TOPAZ1: variants seen among roughly 807,000 people sequenced by gnomAD.
TOPAZ1 encodes the protein protein TOPAZ1.
TOPAZ1 carries 66 observed loss-of-function variants against 172.2 expected under a neutral mutation model. The ratio of observed to expected loss-of-function variants is 0.38; its 90% CI spans 0.31 to 0.47. TOPAZ1 has a LOEUF of 0.47. TOPAZ1 is among the 20% of genes least tolerant of loss of function. TOPAZ1 has a pLI of 0.99. For missense variants in TOPAZ1, 1,822 were observed against 1,972.4 expected, an observed-to-expected ratio of 0.92 and a Z score of 1.44; for synonymous variants, 681 against 683.9, an observed-to-expected ratio of 1.00 and a Z score of 0.07.
At chr3:44,274,767 T>C (rs939188561) in intron 8 of TOPAZ1, among the ~76,000 whole-genome samples, 1 of 152,086 alleles carries the variant, frequency 6.6e-6, no homozygotes, top group Non-Finnish European at 1.5e-5. Flanking sequence ...TTGGTCAGGC[T>C]GGTCTTGAAC....
At chr3:44,313,729 T>C (rs920204831) in intron 16 of TOPAZ1, among the ~76,000 whole-genome samples, 77 of 152,270 alleles carry the variant, frequency 5.1e-4, no homozygotes, top group African/African-American at 1.8e-3. Context: ...GTGCAGATGT[T>C]AGTTAACAAT....
At chr3:44,258,317 A>AAT (rs1342272690) in intron 4 of TOPAZ1, among the ~76,000 whole-genome samples, 2 of 152,182 alleles carry the variant, frequency 1.3e-5, no homozygotes, top group East Asian at 3.8e-4. Context: ...TCCCAGTTGT[A>AAT]ATATATTGCA....
intron 2 of TOPAZ1, among the ~76,000 whole-genome samples, chr3:44,249,748 T>A (rs1324434907): frequency 6.6e-6 from 1 of 152,218 alleles, no homozygotes; most frequent in Non-Finnish European, 1.5e-5. Flanking sequence ...GCAGGCCATT[T>A]CTGAAGCACT....
chr3:44,286,273 A>G (rs1188866774), intron 9 of TOPAZ1, among the ~76,000 whole-genome samples: 2 of 152,180 alleles, frequency 1.3e-5, no homozygotes, highest in Non-Finnish European at 2.9e-5. Flanking sequence ...TTAGTGGACT[A>G]TTTACACACT....
intron 15 of TOPAZ1, among the ~76,000 whole-genome samples, chr3:44,308,614 C>T (rs1700362287): frequency 6.6e-6 from 1 of 151,712 alleles, no homozygotes; most frequent in African/African-American, 2.4e-5. Context: ...TTATAGACTG[C>T]ATCTCAAATT....
At chr3:44,306,214 G>A (rs527862061) in intron 14 of TOPAZ1, 112 bp from the exon 15 acceptor site, 2 of 627,880 alleles carry the variant, frequency 3.2e-6, no homozygotes, top group Admixed American at 2.6e-5. Context: ...ACGGGGCACA[G>A]TTTGCCAACA....
intron 9 of TOPAZ1, among the ~76,000 whole-genome samples, chr3:44,286,223 A>T (rs1012824195): frequency 6.6e-6 from 1 of 152,166 alleles, no homozygotes; most frequent in African/African-American, 2.4e-5. Context: ...TCAAAAAAAT[A>T]AATAACTTAA....
intron 12 of TOPAZ1, among the ~76,000 whole-genome samples, chr3:44,296,464 G>A (rs1700195944): frequency 6.7e-6 from 1 of 149,982 alleles, no homozygotes; most frequent in South Asian, 2.1e-4. Context: ...TCGATACCAG[G>A]AATGAGACCA....
At chr3:44,267,205 CA>C in intron 6 of TOPAZ1, 69 bp downstream of exon 6, 1 of 1,236,896 alleles carries the variant, frequency 8.1e-7, no homozygotes, top group Non-Finnish European at 1.0e-6. Context: ...ATTTTTCTAC[CA>C]AAAACAAAAA....
At position 44,262,454 on chromosome 3, in the gene TOPAZ1, A is replaced by G; in HGVS notation, c.2991A>G (p.Glu997=). The part of the protein sequence containing the change: ...RFTDKVITKE[E]KENIYEVCKS... The stretch of plus-strand genomic sequence containing the variant: ...CAGACAAAGTGATTACCAAAGAAGA[A>G]AAAGAAAATATTTATGAAGTTTGCA... The change falls in exon 5 of 20, where the codon GAA becomes GAG. Residue 997 remains glutamate, a synonymous_variant. Coordinates refer to ENST00000309765, the MANE Select transcript of TOPAZ1 (RefSeq NM_001145030.2). The G allele has an allele frequency of 2.7e-6, 4 of 1,488,124 alleles. No homozygotes were observed. The highest frequency in any genetic ancestry group is 2.7e-6 in the Non-Finnish European group (3 of 1,093,486). The allele number at this position is 1,488,124 out of a possible 1,614,324, so 92.2% of individuals were successfully genotyped here.
chr3:44,290,994 T>C (rs1023243457), intron 12 of TOPAZ1, 108 bp downstream of exon 12: 5 of 669,336 alleles, frequency 7.5e-6, no homozygotes, highest in Admixed American at 3.2e-5. Flanking sequence ...AACATTTAGA[T>C]AGTGGCCTGT....
chr3:44,267,179 A>T, intron 6 of TOPAZ1, 43 bp downstream of exon 6: 1 of 1,414,506 alleles, frequency 7.1e-7, no homozygotes, highest in Non-Finnish European at 9.3e-7. Flanking sequence ...GCTTTTGGTG[A>T]TATAGAAACT....
At chr3:44,335,949 G>A (rs918314105), downstream of TOPAZ1, among the ~76,000 whole-genome samples, 6 of 152,118 alleles carry the variant, frequency 3.9e-5, no homozygotes, top group South Asian at 2.1e-4. Context: ...CAATTGTCAC[G>A]TTTAAGATCT....
At chr3:44,276,624 CTTTTTT>C (rs762865769) in intron 8 of TOPAZ1, among the ~76,000 whole-genome samples, 4 of 24,124 alleles carry the variant, frequency 1.7e-4, no homozygotes, top group Non-Finnish European at 3.2e-4. Flanking sequence ...CAGCTTTGTT[CTTTTTT>C]TTTTTTTTTT....
At chr3:44,256,844 A>G (rs1699709554) in intron 4 of TOPAZ1, among the ~76,000 whole-genome samples, 1 of 152,148 alleles carries the variant, frequency 6.6e-6, no homozygotes, top group African/African-American at 2.4e-5. Context: ...CTCTTACCTT[A>G]CATTTTAGGA....
intron 6 of TOPAZ1, among the ~76,000 whole-genome samples, chr3:44,268,539 A>G (rs1699857992): frequency 6.6e-6 from 1 of 151,360 alleles, no homozygotes; most frequent in South Asian, 2.1e-4. Context: ...ATGCCTGGCT[A>G]ATTTTTGTAT....
chr3:44,264,016 C>A (rs1209155326), intron 5 of TOPAZ1, among the ~76,000 whole-genome samples: 3 of 152,128 alleles, frequency 2.0e-5, no homozygotes, highest in Admixed American at 6.6e-5. Context: ...TTGTGTATAC[C>A]TTTCCTGAAG....
At chr3:44,247,408 G>A (rs920247936) in intron 2 of TOPAZ1, among the ~76,000 whole-genome samples, 3 of 152,102 alleles carry the variant, frequency 2.0e-5, no homozygotes, top group Non-Finnish European at 4.4e-5. Flanking sequence ...TATAAAAATT[G>A]TTTTCTAACT....
At chr3:44,264,742 A>G (rs1699811116) in intron 5 of TOPAZ1, among the ~76,000 whole-genome samples, 1 of 152,228 alleles carries the variant, frequency 6.6e-6, no homozygotes, top group East Asian at 1.9e-4. Flanking sequence ...CCTCTGCTTT[A>G]TCAACTAGAT....
Sources: gnomAD v4.1 joint callset for allele counts (sites outside exome capture counted in the v4.1 genomes callset) on GRCh38, gnomAD v4.1.1 for gene constraint, MANE v1.5 for transcripts, NCBI Gene and HGNC (gene_info 2026-07-23, HGNC 2026-07-21) for gene names.